The following LARGE1 variants were observed in gnomAD, a reference collection of about 807,000 sequenced individuals.
LARGE1 encodes xylosyl- and glucuronyltransferase LARGE1.
Under a neutral mutation model 87.6 loss-of-function variants are expected in LARGE1, and 43 were observed. The ratio of observed to expected loss-of-function variants is 0.49; its 90% CI spans 0.38 to 0.63. LARGE1 has a LOEUF of 0.63. Ranked by LOEUF, LARGE1 falls within the 30% of genes least tolerant of loss-of-function variation. LARGE1 has a pLI of 0.00. For synonymous variants in LARGE1, 434 were observed against 394.6 expected (o/e 1.10, Z -1.18); for missense variants, 802 against 1,000.2 (o/e 0.80, Z 2.67).
chr22:33,759,111 A>C (rs1202854785), intron 2 of LARGE1, among the ~76,000 whole-genome samples: 1 of 152,172 alleles, frequency 6.6e-6, no homozygotes, highest in Non-Finnish European at 1.5e-5. Context: ...AGGCAGAGAA[A>C]AATAGAACAA....
At chr22:33,545,730 C>T (rs188798661) in intron 6 of LARGE1, among the ~76,000 whole-genome samples, 153 of 152,202 alleles carry the variant, frequency 1.0e-3, no homozygotes, top group Non-Finnish European at 1.2e-3. Context: ...TGAGCCCCTG[C>T]GCCCAGCCAA....
intron 12 of LARGE1, among the ~76,000 whole-genome samples, chr22:33,296,569 CTTTTTTT>C (rs66851772): frequency 7.5e-6 from 1 of 133,936 alleles, no homozygotes. Flanking sequence ...TTTTTCTTTT[CTTTTTTT>C]TTTTTTTTTG....
intron 11 of LARGE1, among the ~76,000 whole-genome samples, chr22:33,218,090 C>A (rs1925292908): frequency 2.0e-5 from 3 of 151,994 alleles, no homozygotes; most frequent in Admixed American, 1.3e-4. Flanking sequence ...CCACCATGCC[C>A]AGCTAATCTG....
the LARGE1 span, among the ~76,000 whole-genome samples, chr22:33,138,470 G>A: frequency 6.6e-6 from 1 of 150,472 alleles, no homozygotes; most frequent in Non-Finnish European, 1.5e-5. Flanking sequence ...TTGAGACAGA[G>A]TCTCACTCTG....
chr22:33,209,102 G>A lies in LARGE1; in HGVS notation c.1731-42270C>T, dbSNP rs1924830722. Among the ~76,000 whole-genome samples the A allele has an allele frequency of 2.6e-5, 4 of 152,160 alleles. 1 individual carries two copies. The highest frequency in any genetic ancestry group is 2.6e-4 in the Admixed American group (4 of 15,276). On this transcript the variant is annotated intron_variant, in intron 11 of 11. Transcript: ENST00000608642. ...GTGTATACCCAGTAATGGGATTGCTGGGTCAAATGGCATTTCTGGTTCTAA... is the reference window on the plus strand; with the variant it reads ...GTGTATACCCAGTAATGGGATTGCTAGGTCAAATGGCATTTCTGGTTCTAA...
Position 33,336,695 on chromosome 22 carries a change from G to A in LARGE1, c.1287+951C>T, listed in dbSNP as rs189657513. On this transcript the variant is annotated intron_variant, in intron 10 of 14. Coordinates refer to ENST00000397394, the MANE Select transcript of LARGE1 (RefSeq NM_133642.5). ...TAAGAAACTCACAACCAGTCTCAAC[G>A]TTGCTCCTTGTTTCCTGTGGGGCCA... Among the ~76,000 whole-genome samples, 9 of 152,214 alleles carry A rather than the reference G, an allele frequency of 5.9e-5. No individual in the cohort carries two copies. The East Asian group carries it at 7.7e-4, about 13-fold the overall frequency.
intron 9 of LARGE1, among the ~76,000 whole-genome samples, chr22:33,349,967 A>G (rs1940201865): frequency 2.0e-5 from 3 of 152,242 alleles, no homozygotes; most frequent in Admixed American, 2.0e-4. Context: ...GTAGACACTT[A>G]GGCCAATGCA....
chr22:33,117,057 A>G, the LARGE1 span, among the ~76,000 whole-genome samples: 1 of 152,186 alleles, frequency 6.6e-6, no homozygotes, highest in Admixed American at 6.5e-5. Flanking sequence ...GTCACAGGAA[A>G]ATGCCTAGAG....
chr22:33,215,717 G>A (rs1925171220), intron 11 of LARGE1, among the ~76,000 whole-genome samples: 1 of 152,184 alleles, frequency 6.6e-6, no homozygotes, highest in African/African-American at 2.4e-5. Flanking sequence ...AGCACTTTGG[G>A]AGGCCGAGAC....
At chr22:33,136,133 T>C in the LARGE1 span, among the ~76,000 whole-genome samples, 1 of 152,202 alleles carries the variant, frequency 6.6e-6, no homozygotes, top group Non-Finnish European at 1.5e-5. Context: ...AGAATGTGGT[T>C]TGCTCTCTTT....
intron 2 of LARGE1, among the ~76,000 whole-genome samples, chr22:33,703,487 CT>C (rs2082462168): frequency 6.6e-6 from 1 of 152,034 alleles, no homozygotes; most frequent in African/African-American, 2.4e-5. Flanking sequence ...CAAAAAAGGA[CT>C]TTGTAGGTAT....
At chr22:33,622,010 C>T (rs1371470269) in intron 4 of LARGE1, among the ~76,000 whole-genome samples, 1 of 152,160 alleles carries the variant, frequency 6.6e-6, no homozygotes, top group Non-Finnish European at 1.5e-5. Context: ...CCATGGAATA[C>T]AAGCCATACA....
At chr22:33,778,712 G>A (rs891442607) in intron 1 of LARGE1, among the ~76,000 whole-genome samples, 5 of 152,016 alleles carry the variant, frequency 3.3e-5, no homozygotes, top group Non-Finnish European at 7.4e-5. Context: ...GTGCAGTGGC[G>A]CAATCTCGGC....
At chr22:33,384,428 A>G in intron 7 of LARGE1, 124 bp from the exon 8 acceptor site, 4 of 747,194 alleles carry the variant, frequency 5.4e-6, no homozygotes, top group Admixed American at 4.1e-5. Context: ...CAAGAGGCCT[A>G]TGCACTGCTG....
the LARGE1 span, among the ~76,000 whole-genome samples, chr22:33,068,625 A>G: frequency 3.0e-4 from 46 of 152,328 alleles, no homozygotes; most frequent in South Asian, 9.3e-3. Context: ...AGCCTGGGCC[A>G]CAGAGCAAGA....
At chr22:33,576,074 G>A (rs943153913) in intron 5 of LARGE1, among the ~76,000 whole-genome samples, 1 of 152,304 alleles carries the variant, frequency 6.6e-6, no homozygotes, top group East Asian at 1.9e-4. Flanking sequence ...AATGCACTGA[G>A]GAGAAAATTG....
chr22:33,274,155 T>C lies in LARGE1; in HGVS notation c.*272A>G. The C allele has an allele frequency of 3.5e-6, 2 of 571,964 alleles. No homozygotes were observed. The highest frequency in any genetic ancestry group is 4.0e-5 in the South Asian group (2 of 49,536). 35.4% of individuals were successfully genotyped at this position (571,964 alleles called of 1,614,324 possible). On this transcript the variant is annotated 3_prime_UTR_variant, in exon 15 of 15. Transcript: ENST00000397394. ...TGCAGTAAGATGATAACCCTTTTACTCCCTGTCACCCCTTGATTTCCCATT... is the reference window on the plus strand; with the variant it reads ...TGCAGTAAGATGATAACCCTTTTACCCCCTGTCACCCCTTGATTTCCCATT...
At chr22:33,810,836 G>A (rs145394683) in intron 1 of LARGE1, among the ~76,000 whole-genome samples, 36 of 151,866 alleles carry the variant, frequency 2.4e-4, no homozygotes, top group Middle Eastern at 3.4e-3. Context: ...CAATTTCCCT[G>A]CCTCAGTCTC....
chr22:33,583,681 A>G (rs1356673014), intron 5 of LARGE1, among the ~76,000 whole-genome samples: 2 of 152,200 alleles, frequency 1.3e-5, no homozygotes, highest in South Asian at 2.1e-4. Context: ...ACACTATAAA[A>G]TGAAAGTTCA....
Sources: allele counts gnomAD v4.1 joint callset (sites outside exome capture counted in the v4.1 genomes callset), GRCh38; gene constraint gnomAD v4.1.1; transcripts MANE v1.5; gene names NCBI Gene and HGNC (gene_info 2026-07-23, HGNC 2026-07-21).